The following RAB40C variants were observed in gnomAD, a reference collection of about 807,000 sequenced individuals.
RAB40C encodes the protein RAB40C, member RAS oncogene family.
In RAB40C, 8 loss-of-function variants were observed where a neutral mutation model predicts 28.1. The observed-to-expected ratio is 0.28, with a 90% confidence interval of 0.17 to 0.51. The LOEUF (loss-of-function observed/expected upper bound fraction) is 0.51. Ranked by LOEUF, RAB40C falls within the 20% of genes least tolerant of loss-of-function variation. The pLI, the probability that RAB40C is intolerant of heterozygous loss-of-function variation, is 0.97. For synonymous variants in RAB40C, 201 were observed against 171.7 expected (o/e 1.17, Z -1.34); for missense variants, 288 against 405.9 (o/e 0.71, Z 2.50).
At chr16:625,535 C>A in intron 4 of RAB40C, 26 bp downstream of exon 4, 1 of 1,608,786 alleles carries the variant, frequency 6.2e-7, no homozygotes, top group Non-Finnish European at 8.5e-7. Context: ...GGGAGCCCTC[C>A]CGGGGAAGGC....
intron 1 of RAB40C, among the ~76,000 whole-genome samples, chr16:593,106 G>A (rs1462367709): frequency 6.6e-6 from 1 of 152,214 alleles, no homozygotes; most frequent in Non-Finnish European, 1.5e-5. Flanking sequence ...AGCGCCTCTG[G>A]GCTGTGGAAC....
At chr16:608,514 C>T (rs535979717) in intron 1 of RAB40C, among the ~76,000 whole-genome samples, 2 of 152,346 alleles carry the variant, frequency 1.3e-5, no homozygotes, top group South Asian at 2.1e-4. Flanking sequence ...TGGCCCTCAG[C>T]GCCATCAGAC....
intron 3 of RAB40C, among the ~76,000 whole-genome samples, chr16:621,143 G>A (rs2036707727): frequency 6.6e-6 from 1 of 152,220 alleles, no homozygotes. Flanking sequence ...TTGGTCCTGG[G>A]TTGAGGGTGC....
intron 1 of RAB40C, among the ~76,000 whole-genome samples, chr16:608,699 A>C (rs1287014582): frequency 6.6e-6 from 1 of 152,138 alleles, no homozygotes; most frequent in East Asian, 1.9e-4. Context: ...GTGAAACCCC[A>C]TCTCTACAAA....
intron 1 of RAB40C, among the ~76,000 whole-genome samples, chr16:599,456 C>T (rs941614572): frequency 6.6e-6 from 1 of 152,252 alleles, no homozygotes; most frequent in African/African-American, 2.4e-5. Context: ...GGCAGCTTCC[C>T]TTGGGGCCAC....
At chr16:625,175 G>T (rs1191808003) in intron 3 of RAB40C, 1 of 1,392,906 alleles carries the variant, frequency 7.2e-7, no homozygotes. Context: ...ATGGCTCCAG[G>T]GGAGGGAGGG....
chr16:617,849 GAAAA>G (rs373035221), intron 2 of RAB40C, among the ~76,000 whole-genome samples: 1 of 140,634 alleles, frequency 7.1e-6, no homozygotes, highest in Non-Finnish European at 1.6e-5. Flanking sequence ...TCTCAAAAAA[GAAAA>G]AAAAAAAAGC....
intron 3 of RAB40C, 78 bp from the exon 4 acceptor site, chr16:625,354 C>G (rs1220815884): frequency 6.4e-7 from 1 of 1,567,378 alleles, no homozygotes; most frequent in Non-Finnish European, 8.7e-7. Context: ...AACTGAGGCC[C>G]CTGCACCTGA....
chr16:597,948 A>AG (rs1394744192), intron 1 of RAB40C, among the ~76,000 whole-genome samples: 1 of 149,774 alleles, frequency 6.7e-6, no homozygotes, highest in African/African-American at 2.4e-5. Context: ...AAAAAAAAAA[A>AG]AAAAAAAAAA....
At chr16:600,188 G>T (rs1472232245) in intron 1 of RAB40C, among the ~76,000 whole-genome samples, 1 of 152,200 alleles carries the variant, frequency 6.6e-6, no homozygotes, top group Non-Finnish European at 1.5e-5. Flanking sequence ...CTGAGTTCCC[G>T]GAGCTCCCTG....
intron 1 of RAB40C, among the ~76,000 whole-genome samples, chr16:594,973 C>T (rs767791986): frequency 1.3e-5 from 2 of 152,108 alleles, no homozygotes; most frequent in Non-Finnish European, 2.9e-5. Flanking sequence ...ACGCCTGCCA[C>T]CATGCGTGGC....
chr16:618,081 C>A, intron 2 of RAB40C, 119 bp from the exon 3 acceptor site: 1 of 876,430 alleles, frequency 1.1e-6, no homozygotes, highest in Non-Finnish European at 1.8e-6. Context: ...GCCTCATTGG[C>A]ACCTGTCCTG....
At chr16:622,193 A>G (rs1000537807) in intron 3 of RAB40C, among the ~76,000 whole-genome samples, 9 of 152,336 alleles carry the variant, frequency 5.9e-5, no homozygotes, top group African/African-American at 2.2e-4. Flanking sequence ...CAGCAGTTCT[A>G]CTTCTGGGAA....
intron 1 of RAB40C, chr16:596,171 C>T (rs2036119926): frequency 2.5e-6 from 1 of 392,226 alleles, no homozygotes; most frequent in Non-Finnish European, 5.2e-6. Flanking sequence ...TCGTGTCGAG[C>T]ACACGTGTTG....
At chr16:615,699 C>T (rs551045751) in intron 1 of RAB40C, among the ~76,000 whole-genome samples, 2 of 152,324 alleles carry the variant, frequency 1.3e-5, no homozygotes, top group African/African-American at 4.8e-5. Flanking sequence ...CGGTGGCTCA[C>T]ACCTGTAATC....
At chr16:624,306 C>T in intron 3 of RAB40C, 1 of 985,444 alleles carries the variant, frequency 1.0e-6, no homozygotes. Flanking sequence ...AGCCCCAGTC[C>T]CTGTGCCCCA....
At chr16:597,663 T>A (rs2036157212) in intron 1 of RAB40C, among the ~76,000 whole-genome samples, 2 of 151,806 alleles carry the variant, frequency 1.3e-5, no homozygotes, top group African/African-American at 4.8e-5. Context: ...ATTTTTTACA[T>A]TTTTAGTAGA....
chr16:617,293 G>T (rs1172275722), intron 2 of RAB40C, 25 bp downstream of exon 2: 1 of 1,613,576 alleles, frequency 6.2e-7, no homozygotes, highest in East Asian at 2.2e-5. Context: ...CGGCACTTCA[G>T]TTCCTGGGTG....
At chr16:602,603 G>A (rs1359235465) in intron 1 of RAB40C, among the ~76,000 whole-genome samples, 1 of 151,794 alleles carries the variant, frequency 6.6e-6, no homozygotes, top group Non-Finnish European at 1.5e-5. Flanking sequence ...TAGTTTTTTG[G>A]TATTTTTTTA....
Sources: gnomAD v4.1 joint callset for allele counts (sites outside exome capture counted in the v4.1 genomes callset) on GRCh38, gnomAD v4.1.1 for gene constraint, MANE v1.5 for transcripts, NCBI Gene and HGNC (gene_info 2026-07-23, HGNC 2026-07-21) for gene names.